Variants in ADAMTS20 observed in about 807,000 individuals in gnomAD.
The protein encoded by ADAMTS20 is A disintegrin and metalloproteinase with thrombospondin motifs 20.
A neutral mutation model predicts 260.1 loss-of-function variants in ADAMTS20; 225 were observed. That is an observed-to-expected ratio of 0.87 (90% CI 0.78 to 0.97). The LOEUF (loss-of-function observed/expected upper bound fraction) is 0.97. Ranked by LOEUF, ADAMTS20 falls within the 50% of genes least tolerant of loss-of-function variation. ADAMTS20 has a pLI of 0.00. For synonymous variants in ADAMTS20, 802 were observed against 769.5 expected (o/e 1.04, Z -0.70); for missense variants, 2,400 against 2,337.7 (o/e 1.03, Z -0.55).
chr12:43,468,284 G>A (rs939364344), intron 8 of ADAMTS20, among the ~76,000 whole-genome samples: 1 of 152,168 alleles, frequency 6.6e-6, no homozygotes. Context: ...CCATAAAATG[G>A]TAGAGGACAG....
intron 29 of ADAMTS20, among the ~76,000 whole-genome samples, chr12:43,392,180 A>G (rs1940609713): frequency 6.6e-6 from 1 of 152,132 alleles, no homozygotes; most frequent in South Asian, 2.1e-4. Flanking sequence ...GTCTGGATGT[A>G]GTTTAACGTA....
intron 28 of ADAMTS20, among the ~76,000 whole-genome samples, chr12:43,420,614 G>A (rs1392227541): frequency 1.3e-5 from 2 of 151,928 alleles, no homozygotes; most frequent in Admixed American, 6.6e-5. Flanking sequence ...AGGAGCAACA[G>A]AGGCAGTTTC....
chr12:43,544,757 T>C (rs1012758764), intron 2 of ADAMTS20, among the ~76,000 whole-genome samples: 7 of 152,224 alleles, frequency 4.6e-5, no homozygotes, highest in Admixed American at 4.6e-4. Context: ...TTGCCACTTC[T>C]GTCATTGCCT....
intron 2 of ADAMTS20, among the ~76,000 whole-genome samples, chr12:43,538,491 T>G (rs1943327576): frequency 6.6e-6 from 1 of 152,212 alleles, no homozygotes; most frequent in Admixed American, 6.5e-5. Flanking sequence ...GTTGATTGTA[T>G]CCTTTGCTGT....
intron 11 of ADAMTS20, among the ~76,000 whole-genome samples, chr12:43,460,348 G>A (rs1942037468): frequency 6.6e-6 from 1 of 152,096 alleles, no homozygotes; most frequent in Non-Finnish European, 1.5e-5. Flanking sequence ...GCATAAGATT[G>A]ATAATAATCA....
intron 7 of ADAMTS20, among the ~76,000 whole-genome samples, chr12:43,489,550 A>G (rs1270232726): frequency 6.6e-6 from 1 of 151,990 alleles, no homozygotes; most frequent in African/African-American, 2.4e-5. Context: ...GTAATAAAAT[A>G]TATTACATTT....
chr12:43,442,150 T>C (rs1030009712), intron 16 of ADAMTS20, among the ~76,000 whole-genome samples: 1 of 152,208 alleles, frequency 6.6e-6, no homozygotes, highest in Non-Finnish European at 1.5e-5. Flanking sequence ...GTTTTAAAAA[T>C]TCCTTCTATT....
intron 2 of ADAMTS20, among the ~76,000 whole-genome samples, chr12:43,533,155 G>C (rs1943249220): frequency 1.5e-5 from 1 of 64,912 alleles, no homozygotes; most frequent in African/African-American, 5.6e-5. Context: ...GGTTGAACTA[G>C]TTTACAGTCC....
rs147374882 is a variant in ADAMTS20, at chr12:43,427,643, C to T, written c.3946-174G>A. On this transcript the variant is annotated intron_variant, in intron 26 of 38. Coordinates refer to ENST00000389420, the MANE Select transcript of ADAMTS20 (RefSeq NM_025003.5). ...AATCTATCAAAACACTTGAGTTATA[C>T]TGGGAGCTTCATTAGAATTTGTTGA... Among the ~76,000 whole-genome samples, 1,193 of 152,198 alleles carry T rather than the reference C, an allele frequency of 7.8e-3. 11 individuals are homozygous for T. Among genetic ancestry groups the T allele is most frequent in the Admixed American group, 0.017 (259 of 15,284 alleles).
chr12:43,481,776 C>A (rs116640090), intron 7 of ADAMTS20, among the ~76,000 whole-genome samples: 2,007 of 152,016 alleles, frequency 0.013, 46 homozygotes, highest in African/African-American at 0.046. Context: ...TTTTGGCATG[C>A]CTCTCCCACC....
chr12:43,530,499 C>T (rs767105766), intron 3 of ADAMTS20, among the ~76,000 whole-genome samples: 5 of 152,116 alleles, frequency 3.3e-5, no homozygotes, highest in Non-Finnish European at 5.9e-5. Context: ...CAGTGAGAAC[C>T]ACTCTAAAGG....
intron 3 of ADAMTS20, among the ~76,000 whole-genome samples, chr12:43,526,802 C>T (rs1184261836): frequency 6.6e-6 from 1 of 151,910 alleles, no homozygotes; most frequent in Non-Finnish European, 1.5e-5. Context: ...CAAACTAAAT[C>T]CAAAGCTAGT....
intron 18 of ADAMTS20, among the ~76,000 whole-genome samples, chr12:43,437,973 T>C (rs1941588347): frequency 6.6e-6 from 1 of 151,828 alleles, no homozygotes; most frequent in South Asian, 2.1e-4. Flanking sequence ...AAATGTAGAG[T>C]TCTGATAAAA....
At chr12:43,466,921 A>T (rs1942165093) in intron 8 of ADAMTS20, 126 bp from the exon 9 acceptor site, 1 of 710,730 alleles carries the variant, frequency 1.4e-6, no homozygotes, top group Non-Finnish European at 2.2e-6. Context: ...TCATAATTTG[A>T]ACTCCATCTA....
In ADAMTS20 at chr12:43,429,718, C is replaced by G. The variant is rs1386830137; in HGVS notation, c.3388G>C (p.Val1130Leu). The change falls in exon 24 of 39, where the codon GTA becomes CTA. Residue 1130 changes from valine to leucine, a missense_variant. By Grantham distance (32) the Val-to-Leu change is conservative. Transcript: ENST00000389420. ...GAAATAAATGAGCAAGGTGTAAGTA[C>G]ACAGCTCTGTTCAGAAGAAAAATGG... is the stretch of plus-strand genomic sequence containing the variant. ...ASRPSDRQSC[V>L]LTPCSFISKL... The G allele has an allele frequency of 1.9e-6, 3 of 1,573,748 alleles. No homozygotes were observed. Among genetic ancestry groups the G allele is most frequent in the Non-Finnish European group, 2.6e-6 (3 of 1,157,656 alleles).
At position 43,431,352 on chromosome 12, in the gene ADAMTS20, G is replaced by T; in HGVS notation, c.3241C>A (p.Gln1081Lys). The T allele has an allele frequency of 1.9e-6, 3 of 1,613,804 alleles. No homozygotes were observed. Among genetic ancestry groups the T allele is most frequent in the Non-Finnish European group, 2.5e-6 (3 of 1,179,824 alleles). The change falls in exon 22 of 39, where the codon CAA becomes AAA. Residue 1081 changes from glutamine to lysine, a missense_variant. Physicochemically the swap from Gln to Lys is moderately conservative, Grantham distance 53. Coordinates refer to ENST00000389420, the MANE Select transcript of ADAMTS20 (RefSeq NM_025003.5). ...PCELHTCASWQVGPWGPCTTT... is the reference protein window; with the variant it reads ...PCELHTCASWKVGPWGPCTTT... ...CTCACAGGACCCCATGGTCCTACTT[G>T]CCAGGAAGCACATGTATGAAGTTCA...
In ADAMTS20 at chr12:43,355,776, T is replaced by C. The variant is rs530858663; in HGVS notation, c.5643+708A>G. 5.1e-4 allele frequency among the ~76,000 whole-genome samples: 77 copies of C among 152,180 alleles called. 1 individual carries two copies. The highest frequency in any genetic ancestry group is 3.4e-3 in the Middle Eastern group (1 of 294). On this transcript the variant is annotated intron_variant, in intron 38 of 38. Transcript: ENST00000389420. ...TAGAAAGCATTTCATGAAGTGTACA[T>C]GTTAGAACACCATACCTGCAGAAAA... is the stretch of plus-strand genomic sequence containing the variant.
intron 28 of ADAMTS20, among the ~76,000 whole-genome samples, chr12:43,412,802 A>ATTTTTT (rs139458463): frequency 3.6e-5 from 3 of 84,274 alleles, no homozygotes; most frequent in Non-Finnish European, 6.4e-5. Context: ...ATAGGAAATA[A>ATTTTTT]TTTTTTTTTT....
At chr12:43,387,147 G>T (rs1940496529) in intron 29 of ADAMTS20, among the ~76,000 whole-genome samples, 1 of 152,176 alleles carries the variant, frequency 6.6e-6, no homozygotes, top group African/African-American at 2.4e-5. Context: ...GGCCTTTGAT[G>T]TTGGTGACCA....
Sources: gnomAD v4.1 joint callset for allele counts (sites outside exome capture counted in the v4.1 genomes callset) on GRCh38, gnomAD v4.1.1 for gene constraint, MANE v1.5 for transcripts, NCBI Gene and HGNC (gene_info 2026-07-23, HGNC 2026-07-21) for gene names.